Variants in COL24A1 observed in about 807,000 individuals in gnomAD.
The protein encoded by COL24A1 is collagen type XXIV alpha 1 chain, also known as collagen alpha-1(XXIV) chain.
Under a neutral mutation model 253.9 loss-of-function variants are expected in COL24A1, and 224 were observed. That is an observed-to-expected ratio of 0.88 (90% CI 0.79 to 0.99). COL24A1 has a LOEUF of 0.99. Among genes scored for constraint, COL24A1 ranks in the 50% least tolerant of loss-of-function variants. COL24A1 has a pLI of 0.00. For synonymous variants in COL24A1, 685 were observed against 673.7 expected, an observed-to-expected ratio of 1.02 and a Z score of -0.26; for missense variants, 2,131 against 2,068.5, an observed-to-expected ratio of 1.03 and a Z score of -0.59.
At chr1:85,974,619 G>T (rs1692482663) in intron 20 of COL24A1, among the ~76,000 whole-genome samples, 1 of 152,138 alleles carries the variant, frequency 6.6e-6, no homozygotes, top group Non-Finnish European at 1.5e-5. Flanking sequence ...TGCAGAGAGG[G>T]AGGAGGTAGA....
chr1:85,964,829 A>G (rs1156510792), intron 23 of COL24A1, among the ~76,000 whole-genome samples, 180 bp downstream of exon 23: 1 of 152,154 alleles, frequency 6.6e-6, no homozygotes, highest in African/African-American at 2.4e-5. Context: ...GGGATACTCA[A>G]CCTGCATATA....
intron 24 of COL24A1, among the ~76,000 whole-genome samples, chr1:85,960,039 T>C (rs748922497): frequency 2.6e-4 from 39 of 152,176 alleles, no homozygotes; most frequent in Non-Finnish European, 5.1e-4. Context: ...GTTCTCCTTC[T>C]AGTGACTCAG....
chr1:86,083,210 A>G (rs1180340822), intron 7 of COL24A1, among the ~76,000 whole-genome samples: 1 of 151,926 alleles, frequency 6.6e-6, no homozygotes, highest in Non-Finnish European at 1.5e-5. Flanking sequence ...AGGCAGGAAA[A>G]TGGCGTGAAC....
chr1:86,029,909 C>T (rs1329215929), intron 14 of COL24A1: 3 of 151,864 alleles, frequency 2.0e-5, no homozygotes, highest in Non-Finnish European at 2.9e-5. Context: ...GGTACTGAAC[C>T]GGAGGGAAAG....
At chr1:85,972,532 A>G (rs1372096203) in intron 20 of COL24A1, among the ~76,000 whole-genome samples, 1 of 152,192 alleles carries the variant, frequency 6.6e-6, no homozygotes, top group African/African-American at 2.4e-5. Context: ...TATGGATTAG[A>G]TTATGGAAAT....
intron 37 of COL24A1, among the ~76,000 whole-genome samples, chr1:85,854,716 T>C (rs112955236): frequency 6.0e-4 from 91 of 152,026 alleles, no homozygotes; most frequent in Admixed American, 5.2e-4. Context: ...TTTTTGTTTT[T>C]TTTTTTTGAG....
Position 86,117,064 on chromosome 1 carries a change from G to A in COL24A1, c.1492-1686C>T, listed in dbSNP as rs887907150. ...AAAATAAGAGCCAGTAGGAGAAATC[G>A]CAACTAAAATGAAAAAGAAAATGAA... On this transcript the variant is annotated intron_variant, in intron 3 of 59. Transcript: ENST00000370571. Among the ~76,000 whole-genome samples, 10 of 152,220 alleles carry A rather than the reference G, an allele frequency of 6.6e-5. No individual in the cohort carries two copies. The South Asian group carries it at 1.2e-3, about 19-fold the overall frequency.
At chr1:85,758,860 A>C (rs752236031) in intron 55 of COL24A1, among the ~76,000 whole-genome samples, 4 of 152,158 alleles carry the variant, frequency 2.6e-5, no homozygotes, top group Admixed American at 1.3e-4. Flanking sequence ...TCACTATTTT[A>C]GTCATTTAAA....
chr1:86,148,498 C>G (rs1228980146), intron 1 of COL24A1, among the ~76,000 whole-genome samples: 2 of 151,942 alleles, frequency 1.3e-5, no homozygotes, highest in East Asian at 3.9e-4. Flanking sequence ...ATCCCTCCCC[C>G]TTCCCCCCAC....
intron 47 of COL24A1, among the ~76,000 whole-genome samples, chr1:85,805,209 C>A (rs1671838252): frequency 6.6e-6 from 1 of 152,076 alleles, no homozygotes; most frequent in Non-Finnish European, 1.5e-5. Flanking sequence ...AGAAGAATTT[C>A]TACGATTGCT....
chr1:86,058,179 T>C (rs1167745473), intron 9 of COL24A1, among the ~76,000 whole-genome samples: 1 of 152,060 alleles, frequency 6.6e-6, no homozygotes, highest in Non-Finnish European at 1.5e-5. Flanking sequence ...CTATACACAA[T>C]ATATTTTAGA....
chr1:85,948,698 A>G (rs1474744255), intron 24 of COL24A1, among the ~76,000 whole-genome samples: 12 of 151,492 alleles, frequency 7.9e-5, no homozygotes, highest in African/African-American at 2.9e-4. Flanking sequence ...TTTTTGAATG[A>G]CTCCTCCCTA....
chr1:86,010,024 G>C (rs770973422), intron 19 of COL24A1, among the ~76,000 whole-genome samples: 3 of 151,994 alleles, frequency 2.0e-5, no homozygotes, highest in Non-Finnish European at 4.4e-5. Flanking sequence ...AGAAAAATGT[G>C]AAATGAAATA....
At chr1:85,901,823 T>TGAAA (rs1684326982) in intron 28 of COL24A1, among the ~76,000 whole-genome samples, 1 of 4,018 alleles carries the variant, frequency 2.5e-4, no homozygotes, top group Non-Finnish European at 6.3e-4. Context: ...AGACTCCGTC[T>TGAAA]CAAAAAAAAA....
chr1:85,911,341 A>AT lies in COL24A1; in HGVS notation c.2616+38dup, dbSNP rs538993814. 1,351 of 1,531,034 alleles carry AT rather than the reference A, an allele frequency of 8.8e-4. 10 individuals are homozygous for AT. The Middle Eastern group carries it at 0.027, about 31-fold the overall frequency. The allele number at this position is 1,531,034 out of a possible 1,614,324, so 94.8% of individuals were successfully genotyped here. A position where few individuals can be genotyped will look rare whatever the true frequency, so the allele number is the denominator to read the frequency against. Reference sequence around the variant, plus strand: ...AGTCTGCCTTTTGAATTTAGCCTAGATTTCTTCCTATAAAACAAAATAATT... The same window carrying AT: ...AGTCTGCCTTTTGAATTTAGCCTAGATTTTCTTCCTATAAAACAAAATAATT... On this transcript the variant is annotated intron_variant, in intron 25 of 59. Coordinates refer to ENST00000370571, the MANE Select transcript of COL24A1 (RefSeq NM_152890.7).
chr1:85,936,613 C>T (rs1688270513), intron 24 of COL24A1, among the ~76,000 whole-genome samples: 2 of 147,282 alleles, frequency 1.4e-5, no homozygotes, highest in Non-Finnish European at 3.0e-5. Flanking sequence ...AATTAACACT[C>T]TGGCAAGGAC....
intron 43 of COL24A1, among the ~76,000 whole-genome samples, chr1:85,834,877 G>A (rs1240494967): frequency 1.3e-5 from 2 of 152,128 alleles, no homozygotes; most frequent in Admixed American, 6.5e-5. Context: ...TTTATAGCAG[G>A]ATGACAGCTA....
Position 85,888,728 on chromosome 1 carries a change from A to C in COL24A1, c.2976+832T>G, listed in dbSNP as rs1159674157. ...GTCAAATCTTCACTTATTGTTTGAG[A>C]GCTTATATCACAGATTAAGTATATA... On this transcript the variant is annotated intron_variant, in intron 32 of 59. Transcript: ENST00000370571. Among the ~76,000 whole-genome samples, 2 of 152,110 alleles carry C rather than the reference A, an allele frequency of 1.3e-5. 1 individual carries two copies. Among genetic ancestry groups the C allele is most frequent in the Admixed American group, 1.3e-4 (2 of 15,276 alleles).
chr1:86,146,700 C>T (rs1189739938), intron 1 of COL24A1, among the ~76,000 whole-genome samples: 1 of 151,878 alleles, frequency 6.6e-6, no homozygotes, highest in Non-Finnish European at 1.5e-5. Flanking sequence ...ATTTGAATAT[C>T]ATACTTAAAT....
Sources: gnomAD v4.1 joint callset for allele counts (sites outside exome capture counted in the v4.1 genomes callset) on GRCh38, gnomAD v4.1.1 for gene constraint, MANE v1.5 for transcripts, NCBI Gene and HGNC (gene_info 2026-07-23, HGNC 2026-07-21) for gene names.